The following KIDINS220 variants were observed in gnomAD, a reference collection of about 807,000 sequenced individuals.
KIDINS220 encodes the protein kinase D interacting substrate 220.
A neutral mutation model predicts 157.6 loss-of-function variants in KIDINS220; 63 were observed. That is an observed-to-expected ratio of 0.40 (90% CI 0.33 to 0.49). The LOEUF (loss-of-function observed/expected upper bound fraction) is 0.49, where lower values mean the gene tolerates loss of function less well. Ranked by LOEUF, KIDINS220 falls within the 20% of genes least tolerant of loss-of-function variation. The pLI, the probability that KIDINS220 is intolerant of heterozygous loss-of-function variation, is 0.66. For synonymous variants in KIDINS220, 732 were observed against 783.6 expected (o/e 0.93, Z 1.10); for missense variants, 1,772 against 2,171.2 (o/e 0.82, Z 3.65).
chr2:8,727,207 C>G, downstream of KIDINS220: 2 of 1,129,342 alleles, frequency 1.8e-6, no homozygotes, highest in Non-Finnish European at 2.2e-6. Flanking sequence ...GCTCATGCTG[C>G]CCCCGCAAAA....
At chr2:8,776,043 T>C (rs974594915) in intron 21 of KIDINS220, among the ~76,000 whole-genome samples, 1 of 152,192 alleles carries the variant, frequency 6.6e-6, no homozygotes, top group Non-Finnish European at 1.5e-5. Flanking sequence ...TGAACATAAA[T>C]ACAGTGAGGC....
intron 11 of KIDINS220, among the ~76,000 whole-genome samples, chr2:8,794,719 G>A (rs867371494): frequency 1.3e-5 from 2 of 152,050 alleles, no homozygotes; most frequent in Non-Finnish European, 2.9e-5. Flanking sequence ...AGTCCTCTTC[G>A]GGCTGCAAAG....
chr2:8,798,104 G>C, intron 10 of KIDINS220, 98 bp downstream of exon 10: 1 of 690,582 alleles, frequency 1.4e-6, no homozygotes, highest in South Asian at 1.8e-5. Flanking sequence ...AGTAAAATCA[G>C]TGTAACTCTA....
chr2:8,758,019 C>T (rs377465033), intron 22 of KIDINS220, among the ~76,000 whole-genome samples: 3 of 152,262 alleles, frequency 2.0e-5, no homozygotes, highest in Admixed American at 1.3e-4. Context: ...CCAGCCACCA[C>T]GCCTGGCTAA....
Position 8,806,383 on chromosome 2 carries a change from C to T in KIDINS220, c.505-14G>A, listed in dbSNP as rs1319765834. On this transcript the variant is annotated splice_polypyrimidine_tract_variant and intron_variant, in intron 6 of 29. Coordinates refer to ENST00000256707, the MANE Select transcript of KIDINS220 (RefSeq NM_020738.4). ...GGTGGTTCCATACTATTAAAACAAACAATAAATTTAAAATTATTATAAAAA... is the reference window on the plus strand; with the variant it reads ...GGTGGTTCCATACTATTAAAACAAATAATAAATTTAAAATTATTATAAAAA... 1.3e-6 allele frequency: 2 copies of T among 1,493,368 alleles called. No homozygotes were observed. The highest frequency in any genetic ancestry group is 1.8e-6 in the Non-Finnish European group (2 of 1,101,386). 92.5% of individuals were successfully genotyped at this position (1,493,368 alleles called of 1,614,324 possible).
rs766413580 is a variant in KIDINS220 at position 8,770,879 on chromosome 2, G to C, written c.2849-47C>G. The C allele has an allele frequency of 5.0e-6, 6 of 1,198,690 alleles. No homozygotes were observed. The African/African-American group carries it at 9.4e-5, about 19-fold the overall frequency. The allele number at this position is 1,198,690 out of a possible 1,614,324, so 74.3% of individuals were successfully genotyped here. ...TTTAAAAATTAATAGATGTGTGATA[G>C]TATGTTAAGTAAAACATTTAGTATA... On this transcript the variant is annotated intron_variant, in intron 21 of 29. Coordinates refer to ENST00000256707, the MANE Select transcript of KIDINS220 (RefSeq NM_020738.4).
chr2:8,735,850 C>T lies in KIDINS220; in HGVS notation c.3717+1018G>A, dbSNP rs142027606. ...GCGGCTCTGAGGGGCTTCAGAAAGC[C>T]GGGGTCTAGGAGCAAAGAGCTGAGT... On this transcript the variant is annotated intron_variant, in intron 27 of 29. Transcript: ENST00000256707. 1.7e-4 allele frequency among the ~76,000 whole-genome samples: 26 copies of T among 152,262 alleles called. 1 individual carries two copies. The highest frequency in any genetic ancestry group is 6.0e-4 in the African/African-American group (25 of 41,562).
rs371218344 is a variant in KIDINS220, at chr2:8,800,475, G to A, written c.825C>T (p.Gly275=). The A allele has an allele frequency of 5.6e-6, 9 of 1,612,166 alleles. No homozygotes were observed. The highest frequency in any genetic ancestry group is 1.3e-5 in the African/African-American group (1 of 74,816). ...PDRSGDTVLI[G]AVRGGHVEIV... ...TTTCAACATGACCACCTCTGACAGCGCCAATCAACACAGTATCCCCACTCT... is the reference window on the plus strand; with the variant it reads ...TTTCAACATGACCACCTCTGACAGCACCAATCAACACAGTATCCCCACTCT... Residue 275 remains glycine, a synonymous_variant, in exon 9 of 30, where the codon GGC becomes GGT. Coordinates refer to ENST00000256707, the MANE Select transcript of KIDINS220 (RefSeq NM_020738.4).
At chr2:8,781,385 A>T (rs1273676685) in intron 17 of KIDINS220, among the ~76,000 whole-genome samples, 2 of 151,990 alleles carry the variant, frequency 1.3e-5, no homozygotes, top group East Asian at 3.8e-4. Flanking sequence ...GACGCAGTTC[A>T]GCTCAACAAC....
chr2:8,735,338 C>T, intron 27 of KIDINS220, among the ~76,000 whole-genome samples: 1 of 152,118 alleles, frequency 6.6e-6, no homozygotes, highest in Non-Finnish European at 1.5e-5. Context: ...TCGAGACCAG[C>T]CTGGCCAACA....
Position 8,779,708 on chromosome 2 carries a change from C to T in KIDINS220, c.2336G>A (p.Cys779Tyr). 6.2e-7 allele frequency: 1 copy of T among 1,614,170 alleles called. No individual in the cohort carries two copies. The highest frequency in any genetic ancestry group is 8.5e-7 in the Non-Finnish European group (1 of 1,180,010). Residue 779 changes from cysteine to tyrosine, a missense_variant, in exon 18 of 30, where the codon TGT becomes TAT. Around this residue, in one of 3 missense-constraint regions of KIDINS220, gnomAD observed 725 missense variants for 1,017.1 expected, o/e 0.71. Coordinates refer to ENST00000256707, the MANE Select transcript of KIDINS220 (RefSeq NM_020738.4). ...LVVIIDGLDA[C>Y]EQDKVLQMLD... ...CATCTGAAGGACTTTGTCCTGCTCA[C>T]AGGCATCTAATCCATCGATGATGAC...
At chr2:8,738,597 A>C (rs1044561875) in intron 26 of KIDINS220, among the ~76,000 whole-genome samples, 1 of 152,224 alleles carries the variant, frequency 6.6e-6, no homozygotes, top group African/African-American at 2.4e-5. Flanking sequence ...TGTAATCACG[A>C]GGAAACATCA....
chr2:8,830,007 A>G (rs1218613505), intron 1 of KIDINS220, among the ~76,000 whole-genome samples: 1 of 151,924 alleles, frequency 6.6e-6, no homozygotes, highest in Non-Finnish European at 1.5e-5. Flanking sequence ...ACTCCCGCCT[A>G]TGCTCAATGT....
At chr2:8,737,887 C>T (rs1473480846) in intron 26 of KIDINS220, among the ~76,000 whole-genome samples, 1 of 152,168 alleles carries the variant, frequency 6.6e-6, no homozygotes, top group Non-Finnish European at 1.5e-5. Context: ...TTATAACTTC[C>T]TATTTTCCTT....
At chr2:8,780,445 T>C (rs757527225) in intron 17 of KIDINS220, among the ~76,000 whole-genome samples, 19 of 152,158 alleles carry the variant, frequency 1.2e-4, no homozygotes, top group Non-Finnish European at 2.1e-4. Flanking sequence ...TGCTGGTTTC[T>C]GGTTCTACAT....
intron 22 of KIDINS220, chr2:8,757,285 C>G (rs1668128466): frequency 1.0e-6 from 1 of 995,494 alleles, no homozygotes; most frequent in South Asian, 4.5e-5. Context: ...ATTAAGAAAG[C>G]AGGGAAGCAG....
intron 6 of KIDINS220, among the ~76,000 whole-genome samples, chr2:8,806,893 T>C (rs1675528066): frequency 6.6e-6 from 1 of 152,180 alleles, no homozygotes; most frequent in African/African-American, 2.4e-5. Context: ...TATTTAACTA[T>C]TATAATGAGT....
chr2:8,733,314 T>A, intron 29 of KIDINS220, 130 bp downstream of exon 29: 1 of 796,722 alleles, frequency 1.3e-6, no homozygotes, highest in Non-Finnish European at 2.0e-6. Context: ...GAGCCCTCCA[T>A]CTTGTCTCCT....
At chr2:8,746,847 C>A (rs1401572640) in intron 26 of KIDINS220, 3 of 316,514 alleles carry the variant, frequency 9.5e-6, no homozygotes, top group African/African-American at 2.1e-5. Flanking sequence ...CAAATACTAC[C>A]AACGGAACAC....
Sources: gnomAD v4.1 joint callset for allele counts (sites outside exome capture counted in the v4.1 genomes callset) on GRCh38, gnomAD v4.1.1 for gene constraint, gnomAD v4.1.1 regional missense constraint, MANE v1.5 for transcripts, NCBI Gene and HGNC (gene_info 2026-07-23, HGNC 2026-07-21) for gene names.